The following EVX1 variants were observed in gnomAD, a reference collection of about 807,000 sequenced individuals.
EVX1 encodes the protein even-skipped homeobox 1.
Under a neutral mutation model 28.6 loss-of-function variants are expected in EVX1, and 19 were observed. The ratio of observed to expected loss-of-function variants is 0.67; its 90% CI spans 0.46 to 0.98. The LOEUF (loss-of-function observed/expected upper bound fraction) is 0.98. Ranked by LOEUF, EVX1 falls within the 50% of genes least tolerant of loss-of-function variation. EVX1 has a pLI of 0.00. For missense variants in EVX1, 660 were observed against 583.0 expected, an observed-to-expected ratio of 1.13 and a Z score of -1.36; for synonymous variants, 324 against 278.2, an observed-to-expected ratio of 1.16 and a Z score of -1.64.
At position 27,246,139 on chromosome 7, in the gene EVX1, T is replaced by A. The variant is rs776681863; in HGVS notation, c.938T>A (p.Leu313Gln). ...SLRPLDTFRV[L>Q]SQPYPRPELL... ...CGCCCGCTCGACACGTTCCGCGTGC[T>A]GTCGCAGCCCTACCCGCGGCCCGAA... The change falls in exon 3 of 3, where the codon CTG (leucine) becomes CAG (glutamine). Residue 313 changes from leucine to glutamine, a missense_variant. Physicochemically the swap from Leu to Gln is moderately radical, Grantham distance 113. Coordinates refer to ENST00000496902, the MANE Select transcript of EVX1 (RefSeq NM_001989.5). 1.8e-5 allele frequency: 27 copies of A among 1,522,338 alleles called. No individual in the cohort carries two copies. Among genetic ancestry groups the A allele is most frequent in the Non-Finnish European group, 2.4e-5 (27 of 1,144,862 alleles). The allele number at this position is 1,522,338 out of a possible 1,614,324, so 94.3% of individuals were successfully genotyped here. A position where few individuals can be genotyped will look rare whatever the true frequency, so the allele number is the denominator to read the frequency against.
chr7:27,243,683 G>A (rs1205061939), intron 1 of EVX1: 2 of 487,518 alleles, frequency 4.1e-6, no homozygotes, highest in Non-Finnish European at 3.5e-6. Flanking sequence ...TGCTGAGGGG[G>A]CGGATGCAAG....
rs1215494088 is a variant in EVX1, at chr7:27,243,270, G to T, written c.240G>T (p.Pro80=). The T allele has an allele frequency of 1.8e-5, 28 of 1,543,118 alleles. No homozygotes were observed. The highest frequency in any genetic ancestry group is 2.3e-5 in the Non-Finnish European group (26 of 1,145,006). The change falls in exon 1 of 3, where the codon CCG becomes CCT. Residue 80 remains proline (P), a synonymous_variant. Transcript: ENST00000496902. ...GACTCGCAGGCAGCGCGGCGGGGCC[G>T]GGCGCCGAGCCCCAGGTAGCTGGGG... ...VDGLAGSAAG[P]GAEPQVAGAA...
rs1201518864 is a variant in EVX1 at position 27,246,309 on chromosome 7, T to A, written c.1108T>A (p.Phe370Ile). 6.3e-7 allele frequency: 1 copy of A among 1,592,796 alleles called. No homozygotes were observed. Among genetic ancestry groups the A allele is most frequent in the African/African-American group, 1.3e-5 (1 of 74,430 alleles). Residue 370 changes from phenylalanine to isoleucine, a missense_variant, in exon 3 of 3, where the codon TTC (phenylalanine) becomes ATC (isoleucine). By Grantham distance (21) the Phe-to-Ile change is conservative. This residue lies in a region of EVX1 where 299 missense variants were observed against 241.3 expected (regional missense o/e 1.24). Transcript: ENST00000496902. ...LAPRAAAASD[F>I]TCASTSRSDS... ...GCCCCGGGCTGCCGCCGCCTCGGAC[T>A]TCACCTGTGCCTCCACCTCCCGCTC...
rs931643594 is a variant in EVX1 at position 27,246,458 on chromosome 7, C to T, written c.*33C>T. ...CCGGCTGGCTGCCGGCTCCATGACG[C>T]CCGTGGGGTCACCCCCCGGCCCCGG... On this transcript the variant is annotated 3_prime_UTR_variant, in exon 3 of 3. Transcript: ENST00000496902. 36 of 1,569,970 alleles carry T rather than the reference C, an allele frequency of 2.3e-5. No individual in the cohort carries two copies. Among genetic ancestry groups the T allele is most frequent in the Non-Finnish European group, 3.0e-5 (35 of 1,165,810 alleles).
Position 27,246,279 on chromosome 7 carries a change from C to T in EVX1, c.1078C>T (p.Leu360=). The change falls in exon 3 of 3, where the codon CTG becomes TTG. Residue 360 remains leucine (L), a synonymous_variant. Transcript: ENST00000496902. The stretch of plus-strand genomic sequence containing the variant: ...CTGTCACAGCGGCCCGGCCAACGGG[C>T]TGGCGCCCCGGGCTGCCGCCGCCTC... ...LACHSGPANG[L]APRAAAASDF... 1 of 1,575,648 alleles carries T rather than the reference C, an allele frequency of 6.3e-7. No homozygotes were observed. Among genetic ancestry groups the T allele is most frequent in the Non-Finnish European group, 8.6e-7 (1 of 1,168,412 alleles).
chr7:27,245,558 A>G lies in EVX1; in HGVS notation c.684+254A>G, dbSNP rs542160323. 4.6e-5 allele frequency among the ~76,000 whole-genome samples: 7 copies of G among 152,208 alleles called. No homozygotes were observed. In the South Asian group the frequency reaches 1.5e-3, roughly 32 times the overall value. On this transcript the variant is annotated intron_variant, in intron 2 of 2. Coordinates refer to ENST00000496902, the MANE Select transcript of EVX1 (RefSeq NM_001989.5). Reference sequence around the variant, plus strand: ...AGAGTGCCTGTGCGGGTGACAAGGAAGTTTCTGGGGACACGCTCTCTGCGG... The same window carrying G: ...AGAGTGCCTGTGCGGGTGACAAGGAGGTTTCTGGGGACACGCTCTCTGCGG...
intron 1 of EVX1, among the ~76,000 whole-genome samples, chr7:27,244,316 C>T (rs975474631): frequency 2.6e-5 from 4 of 151,748 alleles, no homozygotes; most frequent in African/African-American, 9.7e-5. Context: ...AGAGGGGAGC[C>T]CACCAGCAGA....
rs767424101 is a variant in EVX1, at chr7:27,246,356, G to T, written c.1155G>T (p.Ala385=). The change falls in exon 3 of 3, where the codon GCG becomes GCT. Residue 385 remains alanine, a synonymous_variant. Coordinates refer to ENST00000496902, the MANE Select transcript of EVX1 (RefSeq NM_001989.5). ...GCTCGGACTCCTTCCTCACCTTCGC[G>T]CCCTCGGTGCTCAGCAAGGCCTCCT... ...TSRSDSFLTF[A]PSVLSKASSV... is the part of the protein sequence containing the mutation. 16 of 1,602,186 alleles carry T rather than the reference G, an allele frequency of 1.0e-5. No individual in the cohort carries two copies. In the South Asian group the frequency reaches 1.2e-4, roughly 12 times the overall value.
rs2115493275 is a variant in EVX1 at position 27,243,077 on chromosome 7, T to G, written c.47T>G (p.Leu16Arg). Residue 16 changes from leucine (L) to arginine (R), a missense_variant, in exon 1 of 3, where the codon CTT becomes CGT. By Grantham distance (102) the Leu-to-Arg change is moderately radical. Around this residue, in one of 3 missense-constraint regions of EVX1, gnomAD observed 308 missense variants for 256.6 expected, o/e 1.20. Coordinates refer to ENST00000496902, the MANE Select transcript of EVX1 (RefSeq NM_001989.5). ...DMVVFLDGGQ[L>R]GTLVGKRVSN... ...GTTGTGTTTCTGGATGGGGGTCAGC[T>G]TGGCACTCTGGTTGGCAAGAGAGTC... 1 of 1,611,926 alleles carries G rather than the reference T, an allele frequency of 6.2e-7. No homozygotes were observed. The highest frequency in any genetic ancestry group is 1.7e-5 in the Admixed American group (1 of 59,816).
chr7:27,244,396 G>T (rs1562534979), intron 1 of EVX1: 1 of 646,270 alleles, frequency 1.5e-6, no homozygotes, highest in Non-Finnish European at 1.9e-6. Flanking sequence ...ACCACCCCCT[G>T]GTCTTGGCAG....
rs753560464 is a variant in EVX1 at position 27,246,053 on chromosome 7, G to C, written c.852G>C (p.Pro284=). Residue 284 remains proline, a synonymous_variant, in exon 3 of 3, where the codon CCG becomes CCC. Transcript: ENST00000496902. ...PSHLPLPYYS[P]VGLGAASAAS... ...ACCTGCCCCTGCCCTACTACTCGCC[G>C]GTGGGCCTGGGCGCCGCATCCGCCG... The C allele has an allele frequency of 1.3e-6, 2 of 1,587,860 alleles. No homozygotes were observed. The highest frequency in any genetic ancestry group is 2.3e-5 in the East Asian group (1 of 43,734).
chr7:27,243,545 C>G, intron 1 of EVX1, 88 bp downstream of exon 1: 1 of 1,411,498 alleles, frequency 7.1e-7, no homozygotes, highest in African/African-American at 1.5e-5. Flanking sequence ...ACTCCCTTCC[C>G]CTAGGGCAGG....
rs746757351 is a variant in EVX1 at position 27,245,148 on chromosome 7, G to A, written c.528G>A (p.Ala176=). Residue 176 remains alanine, a synonymous_variant, in exon 2 of 3, where the codon GCG becomes GCA. Coordinates refer to ENST00000496902, the MANE Select transcript of EVX1 (RefSeq NM_001989.5). ...GGGGCGGCTCGCAAGGCACCCTGGC[G>A]TGCAGCGCCAGTGACCAGATGCGTC... ...SGGGGSQGTL[A]CSASDQMRRY... 9 of 1,613,136 alleles carry A rather than the reference G, an allele frequency of 5.6e-6. No homozygotes were observed. The highest frequency in any genetic ancestry group is 5.5e-5 in the South Asian group (5 of 91,084).
rs1374657644 is a variant in EVX1 at position 27,242,913 on chromosome 7, G to T, written c.-118G>T. On this transcript the variant is annotated 5_prime_UTR_variant, in exon 1 of 3. Transcript: ENST00000496902. Reference sequence around the variant, plus strand: ...CTCCAGCAGCTCCGCGCCCTCCCAGGCACCCGGCCTTTCTTTCTCCCTCTT... The same window carrying T: ...CTCCAGCAGCTCCGCGCCCTCCCAGTCACCCGGCCTTTCTTTCTCCCTCTT... 1.7e-6 allele frequency: 2 copies of T among 1,181,302 alleles called. No individual in the cohort carries two copies. The highest frequency in any genetic ancestry group is 2.3e-6 in the Non-Finnish European group (2 of 876,876). 73.2% of individuals were successfully genotyped at this position (1,181,302 alleles called of 1,614,324 possible).
At position 27,246,552 on chromosome 7, in the gene EVX1, C is replaced by G. The variant is rs1783198301; in HGVS notation, c.*127C>G. 3.0e-6 allele frequency: 3 copies of G among 991,156 alleles called. No homozygotes were observed. 61.4% of individuals were successfully genotyped at this position (991,156 alleles called of 1,614,324 possible). ...GGACGCCAAGGGGGAAAGGAGAGGG[C>G]GGAAAAGGACCAGCGGGATCCGGCC... is the stretch of plus-strand genomic sequence containing the variant. On this transcript the variant is annotated 3_prime_UTR_variant, in exon 3 of 3. Coordinates refer to ENST00000496902, the MANE Select transcript of EVX1 (RefSeq NM_001989.5).
chr7:27,245,986 A>T lies in EVX1; in HGVS notation c.785A>T (p.His262Leu), dbSNP rs779865364. 16 of 1,604,386 alleles carry T rather than the reference A, an allele frequency of 1.0e-5. No individual in the cohort carries two copies. In the South Asian group the frequency reaches 1.4e-4, roughly 14 times the overall value. Residue 262 changes from histidine to leucine, a missense_variant, in exon 3 of 3, where the codon CAT (histidine) becomes CTT (leucine). Around this residue, in one of 3 missense-constraint regions of EVX1, gnomAD observed 299 missense variants for 241.3 expected, o/e 1.24. Transcript: ENST00000496902. The stretch of plus-strand genomic sequence containing the variant: ...GCCTTCTACACTTACATGATGAGCC[A>T]TGCGGCGGCCGCGGGCGGCCTGCCC... Reference protein sequence around the residue: ...DPAFYTYMMSHAAAAGGLPYP... With the variant: ...DPAFYTYMMSLAAAAGGLPYP...
At position 27,242,871 on chromosome 7, in the gene EVX1, T is replaced by G; in HGVS notation, c.-160T>G. On this transcript the variant is annotated 5_prime_UTR_variant, in exon 1 of 3. Coordinates refer to ENST00000496902, the MANE Select transcript of EVX1 (RefSeq NM_001989.5). ...CTAGCTCCCACCGCCACCGCCGCGG[T>G]CGCGGTCCAGACCGCGCTCCAGCAG... 1 of 740,722 alleles carries G rather than the reference T, an allele frequency of 1.4e-6. No individual in the cohort carries two copies. The highest frequency in any genetic ancestry group is 2.1e-6 in the Non-Finnish European group (1 of 479,588). The allele number at this position is 740,722 out of a possible 1,614,324, so 45.9% of individuals were successfully genotyped here.
Position 27,243,261 on chromosome 7 carries a change from G to T in EVX1, c.231G>T (p.Ala77=). 6.5e-7 allele frequency: 1 copy of T among 1,542,510 alleles called. No homozygotes were observed. The highest frequency in any genetic ancestry group is 2.0e-5 in the Admixed American group (1 of 49,760). The change falls in exon 1 of 3, where the codon GCG becomes GCT. Residue 77 remains alanine (A), a synonymous_variant. Transcript: ENST00000496902. ...EEPVDGLAGS[A]AGPGAEPQVA... ...CGGTAGATGGACTCGCAGGCAGCGC[G>T]GCGGGGCCGGGCGCCGAGCCCCAGG...
At chr7:27,245,746 T>C (rs1783153978) in intron 2 of EVX1, 140 bp from the exon 3 acceptor site, 2 of 1,138,194 alleles carry the variant, frequency 1.8e-6, no homozygotes, top group Admixed American at 2.9e-5. Flanking sequence ...GTGGTGGTGG[T>C]GGGGTCGGTC....
Sources: allele counts gnomAD v4.1 joint callset (sites outside exome capture counted in the v4.1 genomes callset), GRCh38; gene constraint gnomAD v4.1.1; regional missense constraint gnomAD v4.1.1; transcripts MANE v1.5; gene names NCBI Gene and HGNC (gene_info 2026-07-23, HGNC 2026-07-21).